Variants in ACER3 observed in about 807,000 individuals in gnomAD.
ACER3 encodes the protein alkCDase 3.
Under a neutral mutation model 48.9 loss-of-function variants are expected in ACER3, and 16 were observed. That is an observed-to-expected ratio of 0.33 (90% CI 0.22 to 0.50). The LOEUF (loss-of-function observed/expected upper bound fraction) is 0.50. Ranked by LOEUF, ACER3 falls within the 20% of genes least tolerant of loss-of-function variation. The pLI is 0.98. For synonymous variants in ACER3, 109 were observed against 107.8 expected (o/e 1.01, Z -0.07); for missense variants, 227 against 326.0 (o/e 0.70, Z 2.34).
intron 1 of ACER3, among the ~76,000 whole-genome samples, chr11:76,906,199 T>C (rs1946229002): frequency 1.3e-5 from 2 of 152,180 alleles, no homozygotes. Flanking sequence ...GAAACTGCCT[T>C]TGTAAGACTA....
intron 6 of ACER3, among the ~76,000 whole-genome samples, chr11:76,991,005 T>C (rs1948790244): frequency 1.3e-5 from 2 of 152,210 alleles, no homozygotes; most frequent in South Asian, 4.1e-4. Flanking sequence ...CACAGGAAAC[T>C]TTATTGTAGG....
At chr11:76,940,718 G>A (rs1427516476) in intron 2 of ACER3, among the ~76,000 whole-genome samples, 2 of 152,040 alleles carry the variant, frequency 1.3e-5, no homozygotes, top group African/African-American at 4.8e-5. Flanking sequence ...TTTTTGGATT[G>A]CACTTATATC....
intron 4 of ACER3, among the ~76,000 whole-genome samples, chr11:76,984,077 C>T (rs1409819890): frequency 2.6e-5 from 4 of 152,176 alleles, no homozygotes; most frequent in South Asian, 2.1e-4. Flanking sequence ...CGTGAGCCAC[C>T]GCACCTGGGC....
At chr11:76,943,727 T>G (rs996564143) in intron 2 of ACER3, among the ~76,000 whole-genome samples, 3 of 136,530 alleles carry the variant, frequency 2.2e-5, no homozygotes, top group Admixed American at 7.2e-5. Context: ...ATCTATCTAG[T>G]GCGGTCAGTG....
At chr11:76,883,511 G>A (rs757006305) in intron 1 of ACER3, among the ~76,000 whole-genome samples, 1 of 133,968 alleles carries the variant, frequency 7.5e-6, no homozygotes, top group Non-Finnish European at 1.5e-5. Flanking sequence ...CACGATCTCA[G>A]CTCACTGCAA....
At chr11:76,968,336 A>G (rs924978099) in intron 3 of ACER3, among the ~76,000 whole-genome samples, 1 of 152,134 alleles carries the variant, frequency 6.6e-6, no homozygotes, top group Non-Finnish European at 1.5e-5. Context: ...ATGGGTAGGA[A>G]GAATCAATAT....
intron 7 of ACER3, among the ~76,000 whole-genome samples, chr11:77,005,184 C>T (rs1474347073): frequency 6.6e-6 from 1 of 151,988 alleles, no homozygotes; most frequent in African/African-American, 2.4e-5. Context: ...ACTACAGTGC[C>T]TGCCACCGCA....
At chr11:76,914,942 C>G (rs1946483716) in intron 1 of ACER3, among the ~76,000 whole-genome samples, 1 of 152,058 alleles carries the variant, frequency 6.6e-6, no homozygotes, top group African/African-American at 2.4e-5. Flanking sequence ...CAAACTATCA[C>G]AAAGACAAAA....
intron 1 of ACER3, among the ~76,000 whole-genome samples, chr11:76,875,742 T>G (rs1010976837): frequency 1.5e-5 from 2 of 134,690 alleles, no homozygotes; most frequent in African/African-American, 2.9e-5. Flanking sequence ...GTTTTTTTTT[T>G]TTTTTTTTTT....
chr11:76,893,338 C>G (rs1945853905), intron 1 of ACER3, among the ~76,000 whole-genome samples: 1 of 152,026 alleles, frequency 6.6e-6, no homozygotes, highest in Non-Finnish European at 1.5e-5. Flanking sequence ...CCACTCTACT[C>G]CAGCCTGGGT....
chr11:76,939,439 C>G (rs1322812356), intron 2 of ACER3, among the ~76,000 whole-genome samples: 1 of 152,126 alleles, frequency 6.6e-6, no homozygotes, highest in African/African-American at 2.4e-5. Flanking sequence ...AAACAAAAAT[C>G]TTTTAAATTA....
intron 1 of ACER3, among the ~76,000 whole-genome samples, chr11:76,866,373 T>A (rs1945090448): frequency 6.6e-6 from 1 of 152,172 alleles, no homozygotes; most frequent in East Asian, 1.9e-4. Context: ...CTTTGCTTTC[T>A]GTACATGAAC....
intron 1 of ACER3, chr11:76,868,118 A>G: frequency 7.8e-7 from 1 of 1,289,480 alleles, no homozygotes; most frequent in Non-Finnish European, 1.0e-6. Flanking sequence ...TCCTTTTCTC[A>G]GGTTCCTTCC....
At chr11:76,963,995 T>C (rs1176774716) in intron 3 of ACER3, among the ~76,000 whole-genome samples, 1 of 151,252 alleles carries the variant, frequency 6.6e-6, no homozygotes, top group Non-Finnish European at 1.5e-5. Context: ...TGCATGTGCG[T>C]GAGCCAAAGC....
At chr11:77,002,183 CA>C (rs1555019970) in intron 7 of ACER3, among the ~76,000 whole-genome samples, 1 of 152,108 alleles carries the variant, frequency 6.6e-6, no homozygotes, top group African/African-American at 2.4e-5. Flanking sequence ...CTCTAAAGTA[CA>C]GGGGGTTAGG....
chr11:76,911,063 G>A (rs1698729692), intron 1 of ACER3, among the ~76,000 whole-genome samples: 1 of 152,158 alleles, frequency 6.6e-6, no homozygotes, highest in South Asian at 2.1e-4. Flanking sequence ...CCCCAAGAGA[G>A]GGTTCTTGGA....
intron 2 of ACER3, among the ~76,000 whole-genome samples, chr11:76,933,771 A>G (rs1590952675): frequency 6.6e-6 from 1 of 151,054 alleles, no homozygotes; most frequent in South Asian, 2.1e-4. Context: ...CATTGTCATC[A>G]TGGCCCGTTC....
chr11:76,935,266 G>C (rs1356456), intron 2 of ACER3, among the ~76,000 whole-genome samples: 1 of 151,840 alleles, frequency 6.6e-6, no homozygotes, highest in African/African-American at 2.4e-5. Context: ...AAGATCCAAC[G>C]TGCATATAAT....
chr11:76,865,805 A>G (rs563314226), intron 1 of ACER3, among the ~76,000 whole-genome samples: 1 of 146,620 alleles, frequency 6.8e-6, no homozygotes, highest in East Asian at 2.0e-4. Context: ...CACCTTGCCC[A>G]GCATCTTTTT....
Sources: gnomAD v4.1 joint callset for allele counts (sites outside exome capture counted in the v4.1 genomes callset) on GRCh38, gnomAD v4.1.1 for gene constraint, MANE v1.5 for transcripts, NCBI Gene and HGNC (gene_info 2026-07-23, HGNC 2026-07-21) for gene names.